The following PCNP variants were observed in gnomAD, a reference collection of about 807,000 sequenced individuals.
PCNP encodes the protein PEST proteolytic signal containing nuclear protein.
A neutral mutation model predicts 21.8 loss-of-function variants in PCNP; 6 were observed. The observed-to-expected ratio is 0.28, with a 90% CI of 0.15 to 0.54. The LOEUF is 0.54. Ranked by LOEUF, PCNP falls within the 20% of genes least tolerant of loss-of-function variation. PCNP has a pLI of 0.95. For synonymous variants in PCNP, 67 were observed against 73.2 expected, an observed-to-expected ratio of 0.92 and a Z score of 0.43; for missense variants, 161 against 215.5, an observed-to-expected ratio of 0.75 and a Z score of 1.58.
At chr3:101,578,938 T>C (rs778253109) in intron 1 of PCNP, among the ~76,000 whole-genome samples, 2 of 152,198 alleles carry the variant, frequency 1.3e-5, no homozygotes, top group African/African-American at 2.4e-5. Context: ...CCGCCTGATA[T>C]GTTCTTAGTC....
At chr3:101,576,967 G>T in intron 1 of PCNP, 3 of 1,157,620 alleles carry the variant, frequency 2.6e-6, no homozygotes, top group Non-Finnish European at 2.6e-6. Flanking sequence ...ACAAGCGGCG[G>T]CGTGTAGGCC....
intron 2 of PCNP, among the ~76,000 whole-genome samples, chr3:101,581,956 T>C (rs2108279364): frequency 6.6e-6 from 1 of 151,576 alleles, no homozygotes; most frequent in African/African-American, 2.4e-5. Context: ...GTCAGGCTGG[T>C]CTCGAACTCC....
In PCNP at chr3:101,592,917, G is replaced by T; in HGVS notation, c.*164G>T. ...AATAAATGAGAGTTTGAAATTAGAGGTAATTTATGTTTTATATACAGATTT... is the reference window on the plus strand; with the variant it reads ...AATAAATGAGAGTTTGAAATTAGAGTTAATTTATGTTTTATATACAGATTT... On this transcript the variant is annotated 3_prime_UTR_variant, in exon 5 of 5. Coordinates refer to ENST00000265260, the MANE Select transcript of PCNP (RefSeq NM_020357.3). The T allele has an allele frequency of 2.2e-6, 1 of 464,034 alleles. No homozygotes were observed. The highest frequency in any genetic ancestry group is 3.7e-6 in the Non-Finnish European group (1 of 272,552). The allele number at this position is 464,034 out of a possible 1,614,324, so 28.7% of individuals were successfully genotyped here.
chr3:101,575,100 G>A (rs929807679), intron 1 of PCNP, among the ~76,000 whole-genome samples: 1 of 151,996 alleles, frequency 6.6e-6, no homozygotes, highest in Non-Finnish European at 1.5e-5. Context: ...CCCTAAATTC[G>A]GGTCTTGTGC....
At chr3:101,574,325 C>A in intron 1 of PCNP, 46 bp downstream of exon 1, 1 of 1,416,304 alleles carries the variant, frequency 7.1e-7, no homozygotes, top group Non-Finnish European at 9.6e-7. Flanking sequence ...TGCTCCGGGC[C>A]TTTCTTTGAG....
intron 3 of PCNP, 45 bp from the exon 4 acceptor site, chr3:101,590,170 T>A: frequency 9.9e-7 from 1 of 1,007,730 alleles, no homozygotes; most frequent in Non-Finnish European, 1.6e-6. Context: ...AGGAATTGAA[T>A]AAGTTTGTAT....
At position 101,588,514 on chromosome 3, in the gene PCNP, T is replaced by C. The variant is rs111864105; in HGVS notation, c.355-1701T>C. 7.1e-3 allele frequency among the ~76,000 whole-genome samples: 1,082 copies of C among 152,348 alleles called. 7 individuals carry two copies. The highest frequency in any genetic ancestry group is 0.024 in the African/African-American group (998 of 41,584). On this transcript the variant is annotated intron_variant, in intron 3 of 4. Coordinates refer to ENST00000265260, the MANE Select transcript of PCNP (RefSeq NM_020357.3). Reference sequence around the variant, plus strand: ...TCCGAAATCATCTTTTTTTTTCTTTTTTAAATCATAATTAAGTAACCTTGG... The same window carrying C: ...TCCGAAATCATCTTTTTTTTTCTTTCTTAAATCATAATTAAGTAACCTTGG...
chr3:101,586,866 A>G (rs1275320284), intron 3 of PCNP, among the ~76,000 whole-genome samples: 7 of 152,252 alleles, frequency 4.6e-5, no homozygotes, highest in South Asian at 4.1e-4. Context: ...TCTTAAGTGG[A>G]TAAGACTTAA....
chr3:101,574,595 G>A (rs1213014677), intron 1 of PCNP, among the ~76,000 whole-genome samples: 1 of 152,040 alleles, frequency 6.6e-6, no homozygotes, highest in Non-Finnish European at 1.5e-5. Context: ...CGGCGGTGCA[G>A]GAGCCGCTAC....
In PCNP at chr3:101,590,203, T is replaced by C; in HGVS notation, c.355-12T>C. 1 of 1,501,608 alleles carries C rather than the reference T, an allele frequency of 6.7e-7. No homozygotes were observed. The highest frequency in any genetic ancestry group is 9.3e-7 in the Non-Finnish European group (1 of 1,080,272). The allele number at this position is 1,501,608 out of a possible 1,614,324, so 93.0% of individuals were successfully genotyped here. A position where few individuals can be genotyped will look rare whatever the true frequency, so the allele number is the denominator to read the frequency against. On this transcript the variant is annotated splice_polypyrimidine_tract_variant and intron_variant, in intron 3 of 4. Coordinates refer to ENST00000265260, the MANE Select transcript of PCNP (RefSeq NM_020357.3). ...TATGCAGTTATCTTGGTTTACTTAC[T>C]TTTTTCTTTAGAGTGAACCAGAGGA... is the stretch of plus-strand genomic sequence containing the variant.
At chr3:101,576,117 G>C (rs1295436630) in intron 1 of PCNP, among the ~76,000 whole-genome samples, 1 of 152,046 alleles carries the variant, frequency 6.6e-6, no homozygotes, top group African/African-American at 2.4e-5. Flanking sequence ...GTGGCAGATA[G>C]TCACTTTTTT....
chr3:101,579,215 A>G (rs1359734604), intron 1 of PCNP, among the ~76,000 whole-genome samples: 2 of 151,974 alleles, frequency 1.3e-5, no homozygotes, highest in African/African-American at 4.8e-5. Flanking sequence ...TCAAGAGGGA[A>G]TGACCTTGAA....
At chr3:101,579,507 A>G (rs1935113547) in intron 1 of PCNP, 1 of 565,000 alleles carries the variant, frequency 1.8e-6, no homozygotes, top group Non-Finnish European at 3.3e-6. Context: ...TTATTGTACA[A>G]ATTGTAGTGT....
At chr3:101,586,571 T>TGTGTGTGTGTGTGTGTGTGAGAGAGAGA in intron 3 of PCNP, among the ~76,000 whole-genome samples, 30 of 114,198 alleles carry the variant, frequency 2.6e-4, no homozygotes, top group African/African-American at 8.8e-4. Flanking sequence ...TGTGTGTGTG[T>TGTGTGTGTGTGTGTGTGTGAGAGAGAGA]GAGAGAGAGA....
In PCNP at chr3:101,593,620, G is replaced by T. The variant is rs1047575392; in HGVS notation, c.*867G>T. ...TTTGGCTGTTTTTATTTTTTAAAAGGTATAAACACCAAAAAAAAAATTAAC... is the reference window on the plus strand; with the variant it reads ...TTTGGCTGTTTTTATTTTTTAAAAGTTATAAACACCAAAAAAAAAATTAAC... On this transcript the variant is annotated 3_prime_UTR_variant, in exon 5 of 5. Coordinates refer to ENST00000265260, the MANE Select transcript of PCNP (RefSeq NM_020357.3). 1.3e-5 allele frequency: 2 copies of T among 152,124 alleles called. No homozygotes were observed. Among genetic ancestry groups the T allele is most frequent in the Admixed American group, 1.3e-4 (2 of 15,230 alleles). 9.4% of individuals were successfully genotyped at this position (152,124 alleles called of 1,614,324 possible).
rs370971443 is a variant in PCNP at position 101,574,210 on chromosome 3, G to T, written c.-6G>T. ...CGTGGCTGCAGGGGAGGCCGCGGCG[G>T]GGAAAATGGCGGACGGGAAGGCGGG... On this transcript the variant is annotated 5_prime_UTR_variant, in exon 1 of 5. Transcript: ENST00000265260. 1.4e-5 allele frequency: 22 copies of T among 1,549,700 alleles called. No individual in the cohort carries two copies. The African/African-American group carries it at 2.9e-4, about 20-fold the overall frequency.
intron 1 of PCNP, among the ~76,000 whole-genome samples, chr3:101,575,131 T>C (rs770543571): frequency 1.3e-5 from 2 of 152,156 alleles, no homozygotes; most frequent in African/African-American, 2.4e-5. Flanking sequence ...AGAAACGTAA[T>C]CTCTCCAGCT....
intron 2 of PCNP, among the ~76,000 whole-genome samples, chr3:101,583,796 C>A (rs1935356292): frequency 6.7e-6 from 1 of 150,194 alleles, no homozygotes; most frequent in Non-Finnish European, 1.5e-5. Flanking sequence ...TACAGGTGTG[C>A]ATCACCACCA....
chr3:101,575,478 CTTTT>C (rs1179634132), intron 1 of PCNP, among the ~76,000 whole-genome samples: 1 of 142,538 alleles, frequency 7.0e-6, no homozygotes, highest in Non-Finnish European at 1.5e-5. Context: ...CACCCCCTGT[CTTTT>C]TTTTTTTTTA....
Sources: allele counts gnomAD v4.1 joint callset (sites outside exome capture counted in the v4.1 genomes callset), GRCh38; gene constraint gnomAD v4.1.1; transcripts MANE v1.5; gene names NCBI Gene and HGNC (gene_info 2026-07-23, HGNC 2026-07-21).